The following PTPRA variants were observed in gnomAD, a reference collection of about 807,000 sequenced individuals.
PTPRA encodes protein tyrosine phosphatase receptor type A, also known as receptor-type tyrosine-protein phosphatase alpha.
PTPRA carries 25 observed loss-of-function variants against 104.8 expected under a neutral mutation model. That is an observed-to-expected ratio of 0.24 (90% CI 0.17 to 0.33). The LOEUF (loss-of-function observed/expected upper bound fraction) is 0.33, where lower values mean the gene tolerates loss of function less well. PTPRA is among the 10% of genes least tolerant of loss of function. PTPRA has a pLI of 1.00. For synonymous variants in PTPRA, 323 were observed against 368.9 expected, an observed-to-expected ratio of 0.88 and a Z score of 1.43; for missense variants, 765 against 1,015.3, an observed-to-expected ratio of 0.75 and a Z score of 3.35.
intron 2 of PTPRA, among the ~76,000 whole-genome samples, chr20:2,930,852 G>A (rs1006179327): frequency 7.2e-5 from 11 of 152,190 alleles, no homozygotes; most frequent in African/African-American, 2.2e-4. Flanking sequence ...TCTTTTTTGG[G>A]GAGGCATAGT....
chr20:2,885,087 C>T (rs927670427), intron 1 of PTPRA, among the ~76,000 whole-genome samples: 3 of 152,190 alleles, frequency 2.0e-5, no homozygotes, highest in Admixed American at 1.3e-4. Flanking sequence ...AGGCACAAGC[C>T]ACTGCGCCCG....
chr20:2,948,825 A>G lies in PTPRA; in HGVS notation c.-7+801A>G, dbSNP rs556683777. 2.0e-3 allele frequency among the ~76,000 whole-genome samples: 301 copies of G among 151,974 alleles called. 1 individual carries two copies. The highest frequency in any genetic ancestry group is 2.6e-3 in the Non-Finnish European group (175 of 67,934). ...AAATTAGCTGGGCGTGGTGGCGGGC[A>G]CCTGTAGTCCCAGCTGCTGGGGAGG... On this transcript the variant is annotated intron_variant, in intron 3 of 23. Coordinates refer to ENST00000399903, the MANE Select transcript of PTPRA (RefSeq NM_001385305.1).
At chr20:2,875,462 GA>G (rs1450801965) in intron 1 of PTPRA, among the ~76,000 whole-genome samples, 1 of 152,120 alleles carries the variant, frequency 6.6e-6, no homozygotes, top group African/African-American at 2.4e-5. Flanking sequence ...TACAGAACCA[GA>G]AAAACCACCC....
At chr20:2,943,215 C>A (rs1169693800) in intron 2 of PTPRA, among the ~76,000 whole-genome samples, 1 of 139,356 alleles carries the variant, frequency 7.2e-6, no homozygotes, top group Non-Finnish European at 1.6e-5. Context: ...ATCCCCCCAC[C>A]CCCCCCCCAG....
At chr20:2,907,352 C>T (rs930836739) in intron 1 of PTPRA, among the ~76,000 whole-genome samples, 2 of 151,970 alleles carry the variant, frequency 1.3e-5, no homozygotes, top group Admixed American at 1.3e-4. Flanking sequence ...ACAGCTCAGC[C>T]GTCAAACTGC....
intron 2 of PTPRA, among the ~76,000 whole-genome samples, chr20:2,931,821 G>A (rs775946269): frequency 6.6e-6 from 1 of 151,872 alleles, no homozygotes; most frequent in Non-Finnish European, 1.5e-5. Context: ...AGCCTCAAAC[G>A]AACCTCCTCC....
intron 2 of PTPRA, among the ~76,000 whole-genome samples, chr20:2,939,958 A>C (rs2060846442): frequency 6.6e-6 from 1 of 152,116 alleles, no homozygotes; most frequent in Non-Finnish European, 1.5e-5. Flanking sequence ...AATACAAAAA[A>C]AATTAGCCGG....
At chr20:2,864,394 G>A in the PTPRA span, 3 of 1,614,164 alleles carry the variant, frequency 1.9e-6, no homozygotes, top group South Asian at 2.2e-5. This position sits in a 1 kb window ranked among gnomAD's most constrained non-coding sequence, Gnocchi z 5.2. Flanking sequence ...CCTGAAGAAC[G>A]AGCTGAACCG....
intron 1 of PTPRA, among the ~76,000 whole-genome samples, chr20:2,911,708 A>G (rs964791596): frequency 3.9e-5 from 6 of 152,216 alleles, no homozygotes; most frequent in African/African-American, 1.4e-4. Context: ...AAAGTAAAAT[A>G]TAAATAGTAA....
chr20:2,946,817 C>CA (rs1282411839), intron 2 of PTPRA, among the ~76,000 whole-genome samples: 1 of 151,568 alleles, frequency 6.6e-6, no homozygotes, highest in Non-Finnish European at 1.5e-5. Context: ...CACTGCACTC[C>CA]AGCCTGGGCA....
intron 2 of PTPRA, among the ~76,000 whole-genome samples, chr20:2,928,199 G>A (rs923442702): frequency 2.0e-5 from 3 of 151,936 alleles, no homozygotes; most frequent in South Asian, 2.1e-4. Context: ...GCAGTGGCGC[G>A]ATCTTGGCTC....
At chr20:2,865,261 C>T in the PTPRA span, 10 of 1,614,006 alleles carry the variant, frequency 6.2e-6, no homozygotes, top group African/African-American at 1.3e-5. The surrounding 1 kb of genome is among the most constrained non-coding windows in gnomAD (Gnocchi z 5.2). Context: ...TCATTCTTGG[C>T]GGTCACAACA....
chr20:3,010,424 C>G (rs948775029), intron 11 of PTPRA, among the ~76,000 whole-genome samples: 3 of 151,584 alleles, frequency 2.0e-5, no homozygotes, highest in African/African-American at 4.8e-5. Context: ...GTCAGGAGAT[C>G]GAGACCATCC....
At chr20:2,864,388 A>G in the PTPRA span, 1 of 1,614,178 alleles carries the variant, frequency 6.2e-7, no homozygotes, top group East Asian at 2.2e-5. The surrounding 1 kb of genome is among the most constrained non-coding windows in gnomAD (Gnocchi z 5.2). Flanking sequence ...GCTGCACCTG[A>G]AGAACGAGCT....
intron 5 of PTPRA, 147 bp downstream of exon 5, chr20:2,965,349 GT>G: frequency 1.3e-6 from 1 of 755,428 alleles, no homozygotes; most frequent in Non-Finnish European, 2.1e-6. Flanking sequence ...GAATTTTTGG[GT>G]TAGCATGAGT....
At chr20:2,975,655 G>A (rs1334995281) in intron 6 of PTPRA, among the ~76,000 whole-genome samples, 1 of 152,052 alleles carries the variant, frequency 6.6e-6, no homozygotes, top group Admixed American at 6.6e-5. Flanking sequence ...GGCTTTATAT[G>A]GATTTTATGG....
At chr20:3,001,935 T>C (rs1485501911) in intron 9 of PTPRA, among the ~76,000 whole-genome samples, 1 of 152,092 alleles carries the variant, frequency 6.6e-6, no homozygotes, top group Non-Finnish European at 1.5e-5. Context: ...AGCTCTTGCT[T>C]CCCAGCCTGG....
At chr20:2,964,137 A>G in intron 3 of PTPRA, 135 bp from the exon 4 acceptor site, 4 of 703,896 alleles carry the variant, frequency 5.7e-6, no homozygotes, top group Non-Finnish European at 9.7e-6. Context: ...AAGCATGCAT[A>G]TCAGGCTCCC....
At chr20:3,034,974 C>CAGAGATGAAA (rs1378027930) in intron 20 of PTPRA, among the ~76,000 whole-genome samples, 1 of 152,016 alleles carries the variant, frequency 6.6e-6, no homozygotes, top group East Asian at 1.9e-4. Flanking sequence ...GTGGGGAATA[C>CAGAGATGAAA]AGAGATGAAA....
Sources: gnomAD v4.1 joint callset for allele counts (sites outside exome capture counted in the v4.1 genomes callset) on GRCh38, gnomAD v4.1.1 for gene constraint, Gnocchi (gnomAD v3.1) non-coding constraint, MANE v1.5 for transcripts, NCBI Gene and HGNC (gene_info 2026-07-23, HGNC 2026-07-21) for gene names.